Variants in PCTP observed in about 807,000 individuals in gnomAD.
PCTP encodes the protein phosphatidylcholine transfer protein, also known as START domain-containing protein 2.
Under a neutral mutation model 31.0 loss-of-function variants are expected in PCTP, and 27 were observed. That is an observed-to-expected ratio of 0.87 (90% CI 0.64 to 1.20). The LOEUF is 1.20. Ranked by LOEUF, PCTP falls within the 50% of genes most tolerant of loss-of-function variation. The probability of loss-of-function intolerance (pLI) is 0.00; values close to 1 mark genes in which losing one functional copy is unlikely to be tolerated. For synonymous variants in PCTP, 108 were observed against 101.2 expected, an observed-to-expected ratio of 1.07 and a Z score of -0.40; for missense variants, 287 against 268.2, an observed-to-expected ratio of 1.07 and a Z score of -0.49.
At chr17:55,766,630 A>G (rs1910675956) in intron 1 of PCTP, among the ~76,000 whole-genome samples, 1 of 151,986 alleles carries the variant, frequency 6.6e-6, no homozygotes. Context: ...CATGGTGTAT[A>G]TGTGTCACAT....
chr17:55,828,757 A>T (rs1905488567), intron 5 of PCTP, among the ~76,000 whole-genome samples: 1 of 152,054 alleles, frequency 6.6e-6, no homozygotes, highest in African/African-American at 2.4e-5. Context: ...ATAGCAGAAG[A>T]TGGGGGAGGG....
chr17:55,808,045 G>A (rs1912630079), intron 3 of PCTP, among the ~76,000 whole-genome samples: 2 of 151,996 alleles, frequency 1.3e-5, no homozygotes, highest in Non-Finnish European at 2.9e-5. Flanking sequence ...ATGCCTCCTA[G>A]GTCCCAAGTC....
intron 5 of PCTP, 95 bp from the exon 6 acceptor site, chr17:55,775,940 C>A: frequency 6.5e-7 from 1 of 1,542,734 alleles, no homozygotes; most frequent in Non-Finnish European, 8.7e-7. Context: ...TTTTGTTCGT[C>A]CTAAAGCCAA....
downstream of PCTP, among the ~76,000 whole-genome samples, chr17:55,845,750 C>T (rs1440506537): frequency 6.6e-6 from 1 of 152,032 alleles, no homozygotes; most frequent in African/African-American, 2.4e-5. Context: ...GTGTGAGGGC[C>T]GAGCCCCCCC....
At chr17:55,804,991 G>C (rs1226710842) in intron 3 of PCTP, among the ~76,000 whole-genome samples, 1 of 152,026 alleles carries the variant, frequency 6.6e-6, no homozygotes, top group Non-Finnish European at 1.5e-5. Flanking sequence ...CAGAAAGGTA[G>C]AACAACCATG....
intron 3 of PCTP, among the ~76,000 whole-genome samples, chr17:55,807,946 A>G (rs546005451): frequency 6.6e-5 from 10 of 152,222 alleles, no homozygotes; most frequent in Non-Finnish European, 1.5e-4. Context: ...GGGCAAATAA[A>G]GTAGATATTA....
At chr17:55,851,981 C>A in the PCTP span, among the ~76,000 whole-genome samples, 28 of 152,132 alleles carry the variant, frequency 1.8e-4, no homozygotes, top group African/African-American at 6.3e-4. Context: ...ACGTATATAT[C>A]AAAAAATACA....
At chr17:55,777,508 T>C (rs1189956186), downstream of PCTP, 7 of 557,728 alleles carry the variant, frequency 1.3e-5, no homozygotes, top group Admixed American at 6.4e-5. Flanking sequence ...GGCTTACTTA[T>C]ATGCATGATC....
intron 5 of PCTP, among the ~76,000 whole-genome samples, chr17:55,834,723 G>GAAAGTAATT (rs1369207487): frequency 6.6e-6 from 1 of 152,110 alleles, no homozygotes; most frequent in Non-Finnish European, 1.5e-5. Context: ...TCTTGGATAA[G>GAAAGTAATT]AAAGTAATTA....
Position 55,819,716 on chromosome 17 carries a change from C to T in PCTP, c.318-3045C>T, listed in dbSNP as rs1913051598. The stretch of plus-strand genomic sequence containing the variant: ...GCTGCAGTGAGCTGTGATCATTCCA[C>T]TGCACTAACAGAGTGAGACCCTGCC... On this transcript the variant is annotated intron_variant, in intron 3 of 3. Transcript: ENST00000572536. Among the ~76,000 whole-genome samples the T allele has an allele frequency of 2.0e-5, 3 of 152,164 alleles. No homozygotes were observed. In the South Asian group the frequency reaches 6.2e-4, roughly 32 times the overall value.
In PCTP at chr17:55,828,723, G is replaced by C. The variant is rs560945564; in HGVS notation, n.505+5796G>C. Among the ~76,000 whole-genome samples, 28 of 152,266 alleles carry C rather than the reference G, an allele frequency of 1.8e-4. No homozygotes were observed. The South Asian group carries it at 5.0e-3, about 27-fold the overall frequency. ...AAAGGGCTGGCTTCTGGGTGATGGA[G>C]CCCAGTAGTAAGAGCTGTAGACAAT... On this transcript the variant is annotated intron_variant and non_coding_transcript_variant, in intron 5 of 5. Coordinates refer to the PCTP transcript ENST00000576221.
intron 5 of PCTP, among the ~76,000 whole-genome samples, chr17:55,833,853 T>C (rs1905688517): frequency 6.6e-6 from 1 of 152,258 alleles, no homozygotes; most frequent in Non-Finnish European, 1.5e-5. Flanking sequence ...TTAAGACTTC[T>C]AGCTCTAGAT....
downstream of PCTP, among the ~76,000 whole-genome samples, chr17:55,846,268 T>A (rs957998119): frequency 5.3e-5 from 8 of 152,194 alleles, no homozygotes; most frequent in African/African-American, 1.9e-4. Flanking sequence ...ACCCATCATG[T>A]ACCACCAAAT....
downstream of PCTP, among the ~76,000 whole-genome samples, chr17:55,826,949 T>G (rs537024200): frequency 1.3e-5 from 2 of 152,290 alleles, no homozygotes; most frequent in African/African-American, 4.8e-5. Flanking sequence ...ACTAAGATTT[T>G]TTGTTTGTTG....
chr17:55,770,463 T>C (rs920566986), intron 2 of PCTP: 5 of 152,252 alleles, frequency 3.3e-5, no homozygotes, highest in African/African-American at 4.8e-5. Flanking sequence ...TGACATCTGG[T>C]GGTTATCCTG....
At chr17:55,842,980 C>G (rs6504999), downstream of PCTP, 50,713 of 151,978 alleles carry the variant, frequency 0.33, 9,087 homozygotes, top group African/African-American at 0.48. Flanking sequence ...ATTATTTACT[C>G]TTTGTAAGAG....
chr17:55,850,803 A>G, the PCTP span, among the ~76,000 whole-genome samples: 5 of 152,202 alleles, frequency 3.3e-5, no homozygotes, highest in Non-Finnish European at 7.3e-5. Flanking sequence ...AAGCTTTTAA[A>G]GATATAATTT....
At chr17:55,790,283 AG>A (rs1911910199) in intron 3 of PCTP, among the ~76,000 whole-genome samples, 2 of 152,140 alleles carry the variant, frequency 1.3e-5, no homozygotes, top group Admixed American at 6.6e-5. Context: ...TATTCAACAT[AG>A]TGTTGGAAGT....
At chr17:55,774,007 C>A in intron 4 of PCTP, 112 bp downstream of exon 4, 2 of 1,280,006 alleles carry the variant, frequency 1.6e-6, no homozygotes, top group Non-Finnish European at 2.1e-6. Flanking sequence ...GGTCAGAGGA[C>A]AGGCAAAGCT....
Sources: allele counts gnomAD v4.1 joint callset (sites outside exome capture counted in the v4.1 genomes callset), GRCh38; gene constraint gnomAD v4.1.1; transcripts MANE v1.5; gene names NCBI Gene and HGNC (gene_info 2026-07-23, HGNC 2026-07-21).